Variants in TRPM3 observed in about 807,000 individuals in gnomAD.
TRPM3 encodes transient receptor potential cation channel subfamily M member 3.
A neutral mutation model predicts 181.2 loss-of-function variants in TRPM3; 77 were observed. That is an observed-to-expected ratio of 0.42 (90% CI 0.35 to 0.51). The LOEUF (loss-of-function observed/expected upper bound fraction) is 0.51, where lower values mean the gene tolerates loss of function less well. Among genes scored for constraint, TRPM3 ranks in the 20% least tolerant of loss-of-function variants. The pLI is 0.01. For synonymous variants in TRPM3, 745 were observed against 796.4 expected, an observed-to-expected ratio of 0.94 and a Z score of 1.09; for missense variants, 1,759 against 2,196.7, an observed-to-expected ratio of 0.80 and a Z score of 3.98.
At chr9:71,164,974 A>C (rs890164373) in intron 1 of TRPM3, among the ~76,000 whole-genome samples, 2 of 152,184 alleles carry the variant, frequency 1.3e-5, no homozygotes, top group African/African-American at 4.8e-5. Flanking sequence ...TTTCATTTAA[A>C]TAATTACTTA....
At position 71,182,865 on chromosome 9, in the gene TRPM3, T is replaced by G. The variant is rs1332859064; in HGVS notation, c.183+263788A>C. Among the ~76,000 whole-genome samples the G allele has an allele frequency of 2.6e-5, 4 of 152,068 alleles. No homozygotes were observed. In the East Asian group the frequency reaches 7.7e-4, roughly 29 times the overall value. Reference sequence around the variant, plus strand: ...TTAGCAGAGATGGGCTTTCACCATATTGGCCAGGATGGTCTCAAACTCCTG... The same window carrying G: ...TTAGCAGAGATGGGCTTTCACCATAGTGGCCAGGATGGTCTCAAACTCCTG... On this transcript the variant is annotated intron_variant, in intron 1 of 24. Coordinates refer to the TRPM3 transcript ENST00000357533.
In TRPM3 at chr9:71,436,399, T is replaced by C. The variant is rs541350407; in HGVS notation, c.183+10254A>G. Among the ~76,000 whole-genome samples the C allele has an allele frequency of 2.0e-5, 3 of 148,256 alleles. No homozygotes were observed. The East Asian group carries it at 6.4e-4, about 32-fold the overall frequency. On this transcript the variant is annotated intron_variant, in intron 1 of 24. Coordinates refer to the TRPM3 transcript ENST00000357533. ...CTCACTGCAATCTCTGCCTCCTGGG[T>C]TCGAGCGATTCCCCTGCCTCAGCCT...
At position 70,822,758 on chromosome 9, in the gene TRPM3, CTTGT is replaced by C. The variant is rs757260162; in HGVS notation, c.973+5085_973+5088del. 4.8e-4 allele frequency among the ~76,000 whole-genome samples: 36 copies of C among 74,372 alleles called. 1 individual carries two copies. The East Asian group carries it at 0.011, about 22-fold the overall frequency. 48.8% of individuals were successfully genotyped at this position (74,372 alleles called of 152,430 possible). On this transcript the variant is annotated intron_variant, in intron 6 of 25. Coordinates refer to ENST00000677713, the MANE Select transcript of TRPM3 (RefSeq NM_001366145.2). ...CACAGTTTCAAAAACAAAGATTTGT[CTTGT>C]GTGTGTGTGTGTGTGTGTGTGTGTG...
intron 1 of TRPM3, among the ~76,000 whole-genome samples, chr9:70,877,649 G>A (rs889147559): frequency 4.0e-5 from 6 of 151,882 alleles, no homozygotes; most frequent in African/African-American, 1.5e-4. Flanking sequence ...ATCATGGAGT[G>A]GAAACCAAGT....
At chr9:71,239,504 T>A (rs1361825179) in intron 1 of TRPM3, among the ~76,000 whole-genome samples, 4 of 152,134 alleles carry the variant, frequency 2.6e-5, no homozygotes, top group African/African-American at 9.6e-5. Context: ...AGTTTTTTAA[T>A]CATTAAAGAA....
intron 8 of TRPM3, among the ~76,000 whole-genome samples, chr9:70,753,247 C>CA (rs59655405): frequency 0.15 from 22,273 of 151,750 alleles, 1,931 homozygotes; most frequent in East Asian, 0.25. Flanking sequence ...CAAAGTACAT[C>CA]AAAAAAAGTG....
rs775650485 is a variant in TRPM3, at chr9:70,536,329, T to C, written c.4784A>G (p.His1595Arg). Residue 1595 changes from histidine (H) to arginine (R), a missense_variant, in exon 26 of 26, where the codon CAT becomes CGT. Physicochemically the swap from His to Arg is conservative, Grantham distance 29. Around this residue, in one of 8 missense-constraint regions of TRPM3, gnomAD observed 612 missense variants for 590.0 expected, o/e 1.04. Transcript: ENST00000677713. ...ACTCAGTTCTGCTTCTCGCTCTGGATGGCAGCAAGTTAAGTCCTCCACTTT... is the reference window on the plus strand; with the variant it reads ...ACTCAGTTCTGCTTCTCGCTCTGGACGGCAGCAAGTTAAGTCCTCCACTTT... ...GDKVEDLTCC[H>R]PEREAELSHP... The C allele has an allele frequency of 6.2e-6, 10 of 1,614,128 alleles. No homozygotes were observed. Among genetic ancestry groups the C allele is most frequent in the East Asian group, 4.5e-5 (2 of 44,846 alleles).
chr9:71,232,378 T>C (rs1231698200), intron 1 of TRPM3, among the ~76,000 whole-genome samples: 1 of 152,032 alleles, frequency 6.6e-6, no homozygotes, highest in African/African-American at 2.4e-5. Flanking sequence ...ATGCTATCAA[T>C]GATCTACCAT....
chr9:71,259,604 T>A (rs905614207), intron 1 of TRPM3, among the ~76,000 whole-genome samples: 4 of 152,214 alleles, frequency 2.6e-5, no homozygotes, highest in African/African-American at 9.6e-5. Context: ...TGAGGTGGTA[T>A]CTCACTGTGG....
At chr9:70,738,850 T>G (rs2073361981) in intron 8 of TRPM3, among the ~76,000 whole-genome samples, 1 of 152,144 alleles carries the variant, frequency 6.6e-6, no homozygotes, top group Admixed American at 6.6e-5. Flanking sequence ...CATGAACACC[T>G]TTATGTGCAT....
At chr9:71,215,361 G>A (rs2079800309) in intron 1 of TRPM3, among the ~76,000 whole-genome samples, 1 of 152,158 alleles carries the variant, frequency 6.6e-6, no homozygotes, top group Non-Finnish European at 1.5e-5. Flanking sequence ...CTTGTAACAG[G>A]CATTCCTGGT....
intron 1 of TRPM3, among the ~76,000 whole-genome samples, chr9:71,033,721 G>A (rs1259458170): frequency 6.6e-6 from 1 of 152,016 alleles, no homozygotes; most frequent in Middle Eastern, 3.2e-3. Flanking sequence ...AGAGCTTTGG[G>A]GTTGCATGGT....
chr9:70,689,550 G>A (rs2067917063), intron 8 of TRPM3, among the ~76,000 whole-genome samples: 1 of 151,350 alleles, frequency 6.6e-6, no homozygotes, highest in East Asian at 1.9e-4. Context: ...GAGATGAAGT[G>A]AAGTAATAAT....
intron 1 of TRPM3, among the ~76,000 whole-genome samples, chr9:71,017,647 A>G (rs955144980): frequency 1.3e-5 from 2 of 151,888 alleles, no homozygotes; most frequent in Non-Finnish European, 2.9e-5. Context: ...CAATTCACAT[A>G]AGAAAATTAA....
intron 1 of TRPM3, among the ~76,000 whole-genome samples, chr9:71,093,781 T>C (rs1275558805): frequency 1.3e-5 from 2 of 152,094 alleles, no homozygotes; most frequent in African/African-American, 2.4e-5. Context: ...TGAAGACACA[T>C]ACACACATAT....
intron 1 of TRPM3, among the ~76,000 whole-genome samples, chr9:71,021,483 C>A (rs549718036): frequency 7.2e-4 from 109 of 152,154 alleles, no homozygotes; most frequent in African/African-American, 2.5e-3. Flanking sequence ...GTATTAGGAA[C>A]CTTTGTATTG....
intron 1 of TRPM3, among the ~76,000 whole-genome samples, chr9:71,056,213 T>G (rs550807444): frequency 1.3e-5 from 2 of 152,158 alleles, no homozygotes; most frequent in African/African-American, 2.4e-5. Context: ...TAATATTATA[T>G]TCTAGTGTTT....
chr9:70,640,694 G>T lies in TRPM3; in HGVS notation c.1346-34C>A, dbSNP rs549287576. 53 of 1,543,404 alleles carry T rather than the reference G, an allele frequency of 3.4e-5. 1 individual carries two copies. In the South Asian group the frequency reaches 5.7e-4, roughly 16 times the overall value. Reference sequence around the variant, plus strand: ...GGACAAGTGGGAGAAAAGAGTGGAAGAGAGAAAACGACGATCAGTTATTAC... The same window carrying T: ...GGACAAGTGGGAGAAAAGAGTGGAATAGAGAAAACGACGATCAGTTATTAC... On this transcript the variant is annotated intron_variant, in intron 9 of 25. Coordinates refer to ENST00000677713, the MANE Select transcript of TRPM3 (RefSeq NM_001366145.2).
intron 9 of TRPM3, among the ~76,000 whole-genome samples, chr9:70,644,461 TG>T (rs1230408536): frequency 6.6e-6 from 1 of 152,156 alleles, no homozygotes; most frequent in Non-Finnish European, 1.5e-5. Context: ...AAAAACCACA[TG>T]ATTATCTCAA....
Sources: gnomAD v4.1 joint callset for allele counts (sites outside exome capture counted in the v4.1 genomes callset) on GRCh38, gnomAD v4.1.1 for gene constraint, gnomAD v4.1.1 regional missense constraint, MANE v1.5 for transcripts, NCBI Gene and HGNC (gene_info 2026-07-23, HGNC 2026-07-21) for gene names.